DIP2A: variants seen among roughly 807,000 people sequenced by gnomAD.
DIP2A encodes the protein disco-interacting protein 2 homolog A.
Under a neutral mutation model 177.4 loss-of-function variants are expected in DIP2A, and 85 were observed. That is an observed-to-expected ratio of 0.48 (90% CI 0.40 to 0.57). The LOEUF (loss-of-function observed/expected upper bound fraction) is 0.57, where lower values mean the gene tolerates loss of function less well. Among genes scored for constraint, DIP2A ranks in the 20% least tolerant of loss-of-function variants. The probability of loss-of-function intolerance (pLI) is 0.00; values close to 1 mark genes in which losing one functional copy is unlikely to be tolerated. For synonymous variants in DIP2A, 886 were observed against 881.8 expected, an observed-to-expected ratio of 1.00 and a Z score of -0.08; for missense variants, 1,791 against 2,100.2, an observed-to-expected ratio of 0.85 and a Z score of 2.88.
At chr21:46,533,384 T>C (rs2059429649) in intron 10 of DIP2A, 140 bp from the exon 11 acceptor site, 4 of 926,430 alleles carry the variant, frequency 4.3e-6, no homozygotes, top group Non-Finnish European at 6.1e-6. Flanking sequence ...TATATATCAA[T>C]AATGGGACTG....
At chr21:46,476,552 G>A (rs1005878022) in intron 1 of DIP2A, among the ~76,000 whole-genome samples, 6 of 152,114 alleles carry the variant, frequency 3.9e-5, no homozygotes, top group Non-Finnish European at 8.8e-5. Context: ...AGGGTAGTAA[G>A]TGTAGGAGTC....
At position 46,538,053 on chromosome 21, in the gene DIP2A, G is replaced by T. The variant is rs556061826; in HGVS notation, c.1802-430G>T. The stretch of plus-strand genomic sequence containing the variant: ...GGGAAACTGAAGCTTGGGTAGGGGT[G>T]GGGGGATTGCTGGATTCCACATGCT... On this transcript the variant is annotated intron_variant, in intron 15 of 37. Coordinates refer to ENST00000417564, the MANE Select transcript of DIP2A (RefSeq NM_015151.4). 4.6e-5 allele frequency among the ~76,000 whole-genome samples: 7 copies of T among 152,240 alleles called. No homozygotes were observed. The South Asian group carries it at 8.3e-4, about 18-fold the overall frequency.
chr21:46,507,542 T>TTCTGGGC (rs1204255485), intron 6 of DIP2A, among the ~76,000 whole-genome samples: 1 of 152,072 alleles, frequency 6.6e-6, no homozygotes, highest in Non-Finnish European at 1.5e-5. Flanking sequence ...AAGGGTCTAT[T>TTCTGGGC]TCTGGGCTCT....
At chr21:46,574,213 A>G (rs1005113728), downstream of DIP2A, among the ~76,000 whole-genome samples, 1 of 152,208 alleles carries the variant, frequency 6.6e-6, no homozygotes, top group African/African-American at 2.4e-5. Context: ...AAAATACAGA[A>G]ATTAGTGAAA....
In DIP2A at chr21:46,550,882, T is replaced by C. The variant is rs146218341; in HGVS notation, c.2839+138T>C. 5.4e-4 allele frequency: 486 copies of C among 896,856 alleles called. 2 individuals are homozygous for C. In the African/African-American group the frequency reaches 7.4e-3, roughly 14 times the overall value. 55.6% of individuals were successfully genotyped at this position (896,856 alleles called of 1,614,324 possible). A position where few individuals can be genotyped will look rare whatever the true frequency, so the allele number is the denominator to read the frequency against. On this transcript the variant is annotated intron_variant, in intron 23 of 37. Transcript: ENST00000417564. ...GGCTGGGGTCAAGAGCCAGAGCGAG[T>C]GTGCACCCCAGAATGGTGCCACCTC...
intron 8 of DIP2A, among the ~76,000 whole-genome samples, chr21:46,513,661 T>C (rs4819259): frequency 0.16 from 24,215 of 152,076 alleles, 2,168 homozygotes; most frequent in African/African-American, 0.21. Context: ...TTGAGTAGAA[T>C]TAATGTTTTA....
chr21:46,544,587 G>A (rs887441693), intron 18 of DIP2A, among the ~76,000 whole-genome samples: 2 of 152,202 alleles, frequency 1.3e-5, no homozygotes, highest in Non-Finnish European at 2.9e-5. Context: ...TGGAAGTTAG[G>A]CAGAACTTAA....
intron 2 of DIP2A, among the ~76,000 whole-genome samples, chr21:46,488,543 C>G (rs1375754768): frequency 6.6e-6 from 1 of 152,072 alleles, no homozygotes; most frequent in Non-Finnish European, 1.5e-5. Context: ...GGTAAAGTAG[C>G]AGAAATCCAA....
chr21:46,545,105 T>A (rs761848321), intron 18 of DIP2A, 32 bp from the exon 19 acceptor site: 6 of 1,563,642 alleles, frequency 3.8e-6, no homozygotes, highest in Admixed American at 1.8e-5. Flanking sequence ...AAACACGTTC[T>A]TGATAATTTT....
intron 8 of DIP2A, among the ~76,000 whole-genome samples, chr21:46,524,802 C>T (rs2058990646): frequency 6.6e-6 from 1 of 151,284 alleles, no homozygotes. Context: ...GCTGGCTTTC[C>T]ACTAATGGTA....
At chr21:46,526,567 TG>T (rs1288750030) in intron 8 of DIP2A, among the ~76,000 whole-genome samples, 1 of 151,992 alleles carries the variant, frequency 6.6e-6, no homozygotes, top group African/African-American at 2.4e-5. Flanking sequence ...CCTGATTTTT[TG>T]TATTTTAGTA....
intron 8 of DIP2A, among the ~76,000 whole-genome samples, chr21:46,517,708 A>C (rs191625992): frequency 6.6e-6 from 1 of 152,350 alleles, no homozygotes; most frequent in East Asian, 1.9e-4. Flanking sequence ...CAGAGGATTC[A>C]GCACATGTCC....
At chr21:46,529,001 G>T (rs948406273) in intron 8 of DIP2A, 91 bp from the exon 9 acceptor site, 3 of 698,454 alleles carry the variant, frequency 4.3e-6, no homozygotes, top group African/African-American at 1.9e-5. Context: ...TGGGGTAATG[G>T]TATATTTCGG....
chr21:46,581,253 G>T, the DIP2A span, among the ~76,000 whole-genome samples: 1 of 152,116 alleles, frequency 6.6e-6, no homozygotes, highest in African/African-American at 2.4e-5. Flanking sequence ...GATATTTGTG[G>T]TTGCATTGTG....
At chr21:46,523,629 T>C (rs1301189138) in intron 8 of DIP2A, among the ~76,000 whole-genome samples, 2 of 119,832 alleles carry the variant, frequency 1.7e-5, no homozygotes, top group African/African-American at 6.6e-5. Flanking sequence ...ACCTCCCAGG[T>C]GAAAACAATA....
At position 46,537,308 on chromosome 21, in the gene DIP2A, GACTA is replaced by G; in HGVS notation, c.1707+24_1707+27del. 6.2e-7 allele frequency: 1 copy of G among 1,613,686 alleles called. No individual in the cohort carries two copies. The highest frequency in any genetic ancestry group is 8.5e-7 in the Non-Finnish European group (1 of 1,179,590). On this transcript the variant is annotated intron_variant, in intron 14 of 37. Coordinates refer to ENST00000417564, the MANE Select transcript of DIP2A (RefSeq NM_015151.4). The surrounding 1 kb of genome is among the most constrained non-coding windows in gnomAD (Gnocchi z 4.1). ...TTAACAGTGAGTGTTGTTTGCTGAT[GACTA>G]ACTGTTGGAACAAGGGATTGAGATG...
Position 46,567,564 on chromosome 21 carries a change from T to C in DIP2A, c.4658T>C (p.Leu1553Pro). ...CGGGGTGAGAAGCAGCGCATGCACCTGCGGGACGGCTTCCTGGCTGACCAG... is the reference window on the plus strand; with the variant it reads ...CGGGGTGAGAAGCAGCGCATGCACCCGCGGGACGGCTTCCTGGCTGACCAG... ...NSRGEKQRMH[L>P]RDGFLADQLD... is the part of the protein sequence containing the mutation. Residue 1553 changes from leucine (L) to proline (P), a missense_variant, in exon 38 of 38, where the codon CTG (leucine) becomes CCG (proline). Leu to Pro is a moderately conservative substitution (Grantham distance 98). Coordinates refer to ENST00000417564, the MANE Select transcript of DIP2A (RefSeq NM_015151.4). The C allele has an allele frequency of 6.2e-7, 1 of 1,613,238 alleles. No homozygotes were observed. The highest frequency in any genetic ancestry group is 1.1e-5 in the South Asian group (1 of 91,024).
chr21:46,541,159 G>A (rs1291199728), intron 17 of DIP2A, among the ~76,000 whole-genome samples: 1 of 151,438 alleles, frequency 6.6e-6, no homozygotes, highest in Non-Finnish European at 1.5e-5. Context: ...TTTTCATATT[G>A]GAGGAAACGC....
rs190005800 is a variant in DIP2A at position 46,536,720 on chromosome 21, G to A, written c.1643-504G>A. ...GGAGTTTGAGACCAGCCTGGCCAAC[G>A]TGGTGAAATCCCTTCTCTACTAAAA... On this transcript the variant is annotated intron_variant, in intron 13 of 37. Coordinates refer to ENST00000417564, the MANE Select transcript of DIP2A (RefSeq NM_015151.4). 2.3e-3 allele frequency among the ~76,000 whole-genome samples: 350 copies of A among 152,128 alleles called. 5 individuals carry two copies. The highest frequency in any genetic ancestry group is 0.019 in the Admixed American group (289 of 15,278).
Sources: gnomAD v4.1 joint callset for allele counts (sites outside exome capture counted in the v4.1 genomes callset) on GRCh38, gnomAD v4.1.1 for gene constraint, Gnocchi (gnomAD v3.1) non-coding constraint, MANE v1.5 for transcripts, NCBI Gene and HGNC (gene_info 2026-07-23, HGNC 2026-07-21) for gene names.